SS18L1: variants seen among roughly 807,000 people sequenced by gnomAD.
The protein encoded by SS18L1 is SS18L1 subunit of BAF chromatin remodeling complex, also known as calcium-responsive transactivator.
SS18L1 carries 32 observed loss-of-function variants against 70.3 expected under a neutral mutation model. The ratio of observed to expected loss-of-function variants is 0.46; its 90% CI spans 0.34 to 0.61. The LOEUF (loss-of-function observed/expected upper bound fraction) is 0.61. Among genes scored for constraint, SS18L1 ranks in the 20% least tolerant of loss-of-function variants. The probability of loss-of-function intolerance (pLI) is 0.01; values close to 1 mark genes in which losing one functional copy is unlikely to be tolerated. For missense variants in SS18L1, 430 were observed against 542.1 expected, an observed-to-expected ratio of 0.79 and a Z score of 2.05; for synonymous variants, 237 against 229.7, an observed-to-expected ratio of 1.03 and a Z score of -0.29.
Position 62,174,870 on chromosome 20 carries a change from G to A in SS18L1, c.1164+226G>A. On this transcript the variant is annotated intron_variant, in intron 10 of 10. Transcript: ENST00000331758. The surrounding 1 kb of genome is among the most constrained non-coding windows in gnomAD (Gnocchi z 4.1). ...TTTTCATACCCTAAGCTCACCGTTA[G>A]ATCTGCACGCCTGGTTCTCACATTC... 7.0e-7 allele frequency: 1 copy of A among 1,424,200 alleles called. No homozygotes were observed. Among genetic ancestry groups the A allele is most frequent in the Non-Finnish European group, 9.2e-7 (1 of 1,085,628 alleles). 88.2% of individuals were successfully genotyped at this position (1,424,200 alleles called of 1,614,324 possible).
intron 10 of SS18L1, among the ~76,000 whole-genome samples, chr20:62,176,348 C>T (rs530040728): frequency 7.9e-5 from 12 of 152,048 alleles, no homozygotes; most frequent in African/African-American, 2.4e-4. Flanking sequence ...CAAGACCTGT[C>T]TCTACAAAAA....
At position 62,162,787 on chromosome 20, in the gene SS18L1, AAC is replaced by A. The variant is rs754250739; in HGVS notation, c.415_416del (p.Thr139AlafsTer165). 2 of 1,612,494 alleles carry A rather than the reference AAC, an allele frequency of 1.2e-6. No individual in the cohort carries two copies. The highest frequency in any genetic ancestry group is 1.7e-5 in the Admixed American group (1 of 59,982). ...CGTGTCCATGCAGCAGACGGCGCCT[AAC>A]ACGCTGCCCACCACCTCCATGAGCA... ...SHVSMQQTAP[N>X]TLPTTSMSIS... is the part of the protein sequence containing the mutation. On this transcript the variant is annotated frameshift_variant, in exon 5 of 11. Coordinates refer to ENST00000331758, the MANE Select transcript of SS18L1 (RefSeq NM_198935.3). LOFTEE classifies it high-confidence loss of function.
At chr20:62,172,366 G>A (rs1318515595) in intron 8 of SS18L1, among the ~76,000 whole-genome samples, 1 of 151,636 alleles carries the variant, frequency 6.6e-6, no homozygotes, top group African/African-American at 2.4e-5. Context: ...AAGACCCTAT[G>A]TCCAAATAAG....
intron 4 of SS18L1, among the ~76,000 whole-genome samples, chr20:62,162,093 C>A (rs2057340552): frequency 6.6e-6 from 1 of 152,106 alleles, no homozygotes; most frequent in Non-Finnish European, 1.5e-5. Context: ...TGATGGTGCA[C>A]ACTTGTAGTC....
chr20:62,173,738 C>T (rs1015022085), intron 9 of SS18L1, among the ~76,000 whole-genome samples: 5 of 150,006 alleles, frequency 3.3e-5, no homozygotes, highest in African/African-American at 1.2e-4. Flanking sequence ...ACTTGAGGCT[C>T]AGTGTGGTGG....
intron 8 of SS18L1, among the ~76,000 whole-genome samples, chr20:62,165,840 G>A (rs2057419520): frequency 6.6e-6 from 1 of 152,162 alleles, no homozygotes. Context: ...CTGGGGTTGG[G>A]GACACAGACT....
chr20:62,153,019 T>C (rs1448516815), intron 1 of SS18L1, among the ~76,000 whole-genome samples: 1 of 152,144 alleles, frequency 6.6e-6, no homozygotes, highest in Non-Finnish European at 1.5e-5. Context: ...TGGGGTAATT[T>C]ATAAAGGAAA....
rs1347868337 is a variant in SS18L1 at position 62,158,575 on chromosome 20, C to T, written c.70-97C>T. The T allele has an allele frequency of 2.3e-5, 35 of 1,522,804 alleles. No homozygotes were observed. The highest frequency in any genetic ancestry group is 2.8e-5 in the Non-Finnish European group (32 of 1,131,972). The allele number at this position is 1,522,804 out of a possible 1,614,324, so 94.3% of individuals were successfully genotyped here. On this transcript the variant is annotated intron_variant, in intron 1 of 10. Transcript: ENST00000331758. This position sits in a 1 kb window ranked among gnomAD's most constrained non-coding sequence, Gnocchi z 4.5. The stretch of plus-strand genomic sequence containing the variant: ...TGACACGTTTCACGTAAGGGACGCT[C>T]AACCTATATGAAAACTAGATGTGTA...
chr20:62,167,716 T>C lies in SS18L1; in HGVS notation c.916+2202T>C, dbSNP rs1048788603. 2.6e-5 allele frequency among the ~76,000 whole-genome samples: 4 copies of C among 152,192 alleles called. No homozygotes were observed. In the East Asian group the frequency reaches 7.7e-4, roughly 29 times the overall value. On this transcript the variant is annotated intron_variant, in intron 8 of 10. Transcript: ENST00000331758. Reference sequence around the variant, plus strand: ...GGAGCACAGGGTTCAGCCTTGTCCATGGCGAGGTGTCCACATGCGTCTGCC... The same window carrying C: ...GGAGCACAGGGTTCAGCCTTGTCCACGGCGAGGTGTCCACATGCGTCTGCC...
In SS18L1 at chr20:62,163,283, C is replaced by A. The variant is rs73915601; in HGVS notation, c.557-175C>A. On this transcript the variant is annotated intron_variant, in intron 5 of 10. Transcript: ENST00000331758. Reference sequence around the variant, plus strand: ...GGTGCAAGCAGCGGGTCTGAGCTTGCAGGGCGTCAGTGCAGGCCACGTAGG... The same window carrying A: ...GGTGCAAGCAGCGGGTCTGAGCTTGAAGGGCGTCAGTGCAGGCCACGTAGG... Among the ~76,000 whole-genome samples the A allele has an allele frequency of 0.055, 8,411 of 152,150 alleles. 779 individuals are homozygous for A. Among genetic ancestry groups the A allele is most frequent in the African/African-American group, 0.19 (7,942 of 41,464 alleles).
chr20:62,173,130 C>G (rs976957648), intron 9 of SS18L1, among the ~76,000 whole-genome samples: 10 of 152,246 alleles, frequency 6.6e-5, no homozygotes, highest in Non-Finnish European at 1.2e-4. Flanking sequence ...CCCACGTGGC[C>G]TGTGACGGGA....
At chr20:62,153,652 C>T (rs1286310448) in intron 1 of SS18L1, among the ~76,000 whole-genome samples, 3 of 152,148 alleles carry the variant, frequency 2.0e-5, no homozygotes, top group African/African-American at 7.2e-5. Flanking sequence ...CTTTTGTTTT[C>T]CCTGGAGTTG....
In SS18L1 at chr20:62,161,991, C is replaced by T. The variant is rs1002377102; in HGVS notation, c.376+411C>T. 6.6e-6 allele frequency among the ~76,000 whole-genome samples: 1 copy of T among 152,166 alleles called. No homozygotes were observed. Among genetic ancestry groups the T allele is most frequent in the Admixed American group, 6.6e-5 (1 of 15,264 alleles). On this transcript the variant is annotated intron_variant, in intron 4 of 10. Coordinates refer to ENST00000331758, the MANE Select transcript of SS18L1 (RefSeq NM_198935.3). This position sits in a 1 kb window ranked among gnomAD's most constrained non-coding sequence, Gnocchi z 4.4. ...ATCCCAACCCTTTGTGAGGCCTAAA[C>T]CAGCAGACTACTTGAGGCCAGGAGT...
chr20:62,178,931 A>G (rs1421666629), intron 10 of SS18L1, among the ~76,000 whole-genome samples: 1 of 152,234 alleles, frequency 6.6e-6, no homozygotes, highest in East Asian at 1.9e-4. Context: ...CTCTGATGCC[A>G]GGCCTGGCAC....
chr20:62,152,276 C>A (rs1205391920), intron 1 of SS18L1, among the ~76,000 whole-genome samples: 3 of 152,224 alleles, frequency 2.0e-5, no homozygotes, highest in Non-Finnish European at 4.4e-5. Flanking sequence ...TCCTCACTGT[C>A]GCCTCCACTC....
intron 10 of SS18L1, among the ~76,000 whole-genome samples, chr20:62,175,604 G>A (rs1046573335): frequency 3.3e-5 from 5 of 152,194 alleles, no homozygotes; most frequent in Non-Finnish European, 7.4e-5. Flanking sequence ...GCAGGAAGTG[G>A]CTCTGTGTTG....
At position 62,165,653 on chromosome 20, in the gene SS18L1, A is replaced by T. The variant is rs571285166; in HGVS notation, c.916+139A>T. The T allele has an allele frequency of 3.1e-5, 25 of 817,862 alleles. 1 individual carries two copies. In the South Asian group the frequency reaches 3.7e-4, roughly 12 times the overall value. The allele number at this position is 817,862 out of a possible 1,614,324, so 50.7% of individuals were successfully genotyped here. A position where few individuals can be genotyped will look rare whatever the true frequency, so the allele number is the denominator to read the frequency against. Reference sequence around the variant, plus strand: ...CAGCACAGCGCGTGGGAGGAGAGACAGTGTGTTCTGGAAGCTGGAAATTCA... The same window carrying T: ...CAGCACAGCGCGTGGGAGGAGAGACTGTGTGTTCTGGAAGCTGGAAATTCA... On this transcript the variant is annotated intron_variant, in intron 8 of 10. Transcript: ENST00000331758.
chr20:62,160,917 G>T (rs1037149722), intron 3 of SS18L1, among the ~76,000 whole-genome samples: 9 of 151,880 alleles, frequency 5.9e-5, no homozygotes, highest in Non-Finnish European at 1.3e-4. Context: ...AGTGCTGAGG[G>T]CCACTTCACA....
chr20:62,158,491 G>C lies in SS18L1; in HGVS notation c.70-181G>C, dbSNP rs1238678181. ...TTTTGGATTTCGGGTTTTCGGATTA[G>C]GGATGCCAAACCGGTGGGTCTAATA... On this transcript the variant is annotated intron_variant, in intron 1 of 10. Transcript: ENST00000331758. The surrounding 1 kb of genome is among the most constrained non-coding windows in gnomAD (Gnocchi z 4.5). Among the ~76,000 whole-genome samples the C allele has an allele frequency of 6.6e-6, 1 of 152,122 alleles. No individual in the cohort carries two copies. The highest frequency in any genetic ancestry group is 1.5e-5 in the Non-Finnish European group (1 of 68,012).
Sources: gnomAD v4.1 joint callset for allele counts (sites outside exome capture counted in the v4.1 genomes callset) on GRCh38, gnomAD v4.1.1 for gene constraint, Gnocchi (gnomAD v3.1) non-coding constraint, MANE v1.5 for transcripts, NCBI Gene and HGNC (gene_info 2026-07-23, HGNC 2026-07-21) for gene names.